WWOX: variants seen among roughly 807,000 people sequenced by gnomAD.
WWOX encodes WW domain-containing oxidoreductase.
A neutral mutation model predicts 46.2 loss-of-function variants in WWOX; 69 were observed. The ratio of observed to expected loss-of-function variants is 1.49; its 90% CI spans 1.23 to 1.82. WWOX has a LOEUF of 1.82. Ranked by LOEUF, WWOX falls within the 40% of genes most tolerant of loss-of-function variation. The pLI is 0.00. For missense variants in WWOX, 919 were observed against 542.6 expected (o/e 1.69, Z -6.89); for synonymous variants, 359 against 202.6 (o/e 1.77, Z -6.56).
At chr16:79,078,791 A>C (rs1406944001) in intron 8 of WWOX, among the ~76,000 whole-genome samples, 2 of 152,118 alleles carry the variant, frequency 1.3e-5, no homozygotes, top group African/African-American at 4.8e-5. Flanking sequence ...CTTGGCCTTT[A>C]TTTCTCCAAG....
intron 8 of WWOX, among the ~76,000 whole-genome samples, chr16:78,987,366 TTAAGAA>T (rs1274511638): frequency 6.6e-6 from 1 of 152,198 alleles, no homozygotes; most frequent in East Asian, 1.9e-4. Context: ...GTTTGAAAAT[TTAAGAA>T]TATTTTCCTA....
At chr16:78,852,833 G>A (rs1310369833) in intron 8 of WWOX, among the ~76,000 whole-genome samples, 2 of 152,188 alleles carry the variant, frequency 1.3e-5, no homozygotes, top group South Asian at 2.1e-4. Flanking sequence ...GTACACATTT[G>A]TGGGCAGAAA....
chr16:78,955,253 AC>A (rs1191921222), intron 8 of WWOX, among the ~76,000 whole-genome samples: 1 of 152,190 alleles, frequency 6.6e-6, no homozygotes, highest in Non-Finnish European at 1.5e-5. Flanking sequence ...GTGCATCTTC[AC>A]AGATGGACCT....
chr16:78,669,896 G>C (rs1041407527), intron 8 of WWOX, among the ~76,000 whole-genome samples: 11 of 151,946 alleles, frequency 7.2e-5, no homozygotes, highest in Non-Finnish European at 1.6e-4. Flanking sequence ...TTTTTTTCTT[G>C]CACATGTACT....
At chr16:78,793,527 A>T (rs1428028095) in intron 8 of WWOX, among the ~76,000 whole-genome samples, 1 of 152,222 alleles carries the variant, frequency 6.6e-6, no homozygotes, top group Admixed American at 6.5e-5. Context: ...TTTGCAGGTC[A>T]TTAGCTCATA....
chr16:78,954,800 T>A (rs1056029350), intron 8 of WWOX, among the ~76,000 whole-genome samples: 9 of 152,172 alleles, frequency 5.9e-5, no homozygotes, highest in African/African-American at 1.9e-4. Context: ...GTTATTATTA[T>A]GTTTTTTGAG....
At chr16:78,309,422 C>A (rs371737867) in intron 5 of WWOX, among the ~76,000 whole-genome samples, 16 of 152,148 alleles carry the variant, frequency 1.1e-4, no homozygotes, top group African/African-American at 3.9e-4. Context: ...TCAGGCAGTT[C>A]TTGGTAGCAA....
At chr16:78,594,122 TC>T (rs1185566607) in intron 8 of WWOX, among the ~76,000 whole-genome samples, 1 of 152,102 alleles carries the variant, frequency 6.6e-6, no homozygotes, top group African/African-American at 2.4e-5. Context: ...CCTTCTCAAC[TC>T]CTCCTCCTGG....
At chr16:78,942,322 C>G (rs1464509725) in intron 8 of WWOX, among the ~76,000 whole-genome samples, 1 of 152,160 alleles carries the variant, frequency 6.6e-6, no homozygotes, top group Non-Finnish European at 1.5e-5. Flanking sequence ...GGTTAAAAGT[C>G]ATCAAGCTGA....
At chr16:78,920,119 G>T (rs7192452) in intron 8 of WWOX, among the ~76,000 whole-genome samples, 29,357 of 152,046 alleles carry the variant, frequency 0.19, 3,051 homozygotes, top group East Asian at 0.27. Context: ...TACACTGTAG[G>T]GCCGTCAAGA....
intron 5 of WWOX, among the ~76,000 whole-genome samples, chr16:78,213,550 T>G (rs1407100444): frequency 6.6e-6 from 1 of 151,866 alleles, no homozygotes; most frequent in Non-Finnish European, 1.5e-5. Flanking sequence ...GCATCTATTT[T>G]TAATGTGACT....
chr16:78,898,298 A>C (rs924558306), intron 8 of WWOX: 1 of 152,124 alleles, frequency 6.6e-6, no homozygotes, highest in Non-Finnish European at 1.5e-5. Flanking sequence ...TCTATGTTCC[A>C]TCTCAAATTA....
At position 79,136,467 on chromosome 16, in the gene WWOX, G is replaced by T. The variant is rs2150706886; in HGVS notation, c.1057-75141G>T. ...GATGGTCTTGATCTCCTGACCTCAT[G>T]ATCCACCCGCCTCGGCCTCCCAAAG... On this transcript the variant is annotated intron_variant, in intron 8 of 8. Coordinates refer to ENST00000566780, the MANE Select transcript of WWOX (RefSeq NM_016373.4). 1.3e-5 allele frequency among the ~76,000 whole-genome samples: 2 copies of T among 152,260 alleles called. 1 individual carries two copies. Among genetic ancestry groups the T allele is most frequent in the East Asian group, 3.9e-4 (2 of 5,176 alleles).
chr16:78,412,805 G>A (rs532505616), intron 6 of WWOX, among the ~76,000 whole-genome samples: 1 of 152,162 alleles, frequency 6.6e-6, no homozygotes, highest in Non-Finnish European at 1.5e-5. Flanking sequence ...AGTAGATTTG[G>A]GTCAGGGAAG....
chr16:78,418,288 C>T (rs749560058), intron 6 of WWOX, among the ~76,000 whole-genome samples: 2 of 151,712 alleles, frequency 1.3e-5, no homozygotes, highest in Admixed American at 6.6e-5. Context: ...GGCGTGAACC[C>T]GGGAGGTGGA....
rs376519785 is a variant in WWOX, at chr16:78,988,172, G to A, written c.1057-223436G>A. Among the ~76,000 whole-genome samples the A allele has an allele frequency of 2.0e-3, 298 of 151,722 alleles. 1 individual carries two copies. Among genetic ancestry groups the A allele is most frequent in the African/African-American group, 6.7e-3 (277 of 41,342 alleles). ...AGTCTGGCCAACATGGTGAAACCCCGTCTCTACTAAAAATACAAAAACTTA... is the reference window on the plus strand; with the variant it reads ...AGTCTGGCCAACATGGTGAAACCCCATCTCTACTAAAAATACAAAAACTTA... On this transcript the variant is annotated intron_variant, in intron 8 of 8. Coordinates refer to ENST00000566780, the MANE Select transcript of WWOX (RefSeq NM_016373.4).
intron 8 of WWOX, among the ~76,000 whole-genome samples, chr16:79,060,113 C>G (rs1036572707): frequency 6.6e-6 from 1 of 152,128 alleles, no homozygotes; most frequent in Non-Finnish European, 1.5e-5. Flanking sequence ...ATTGTTGTTT[C>G]TGTGTCAACC....
chr16:78,981,976 G>A (rs2046691399), intron 8 of WWOX: 1 of 152,142 alleles, frequency 6.6e-6, no homozygotes, highest in South Asian at 2.1e-4. Flanking sequence ...GAACATTGAA[G>A]GCTCCAGTGT....
At chr16:78,265,001 CT>C (rs35911801) in intron 5 of WWOX, 16,443 of 69,286 alleles carry the variant, frequency 0.24, 1,359 homozygotes, top group African/African-American at 0.3. Flanking sequence ...TTCTTTCTTT[CT>C]TTTTTTTTTT....
Sources: gnomAD v4.1 joint callset for allele counts (sites outside exome capture counted in the v4.1 genomes callset) on GRCh38, gnomAD v4.1.1 for gene constraint, MANE v1.5 for transcripts, NCBI Gene and HGNC (gene_info 2026-07-23, HGNC 2026-07-21) for gene names.